The following AOX1 variants were observed in gnomAD, a reference collection of about 807,000 sequenced individuals.
AOX1 encodes aldehyde oxidase 1.
AOX1 carries 153 observed loss-of-function variants against 169.5 expected under a neutral mutation model. The observed-to-expected ratio is 0.90, with a 90% CI of 0.79 to 1.03. The LOEUF is 1.03. AOX1 is among the 50% of genes least tolerant of loss of function. The probability of loss-of-function intolerance (pLI) is 0.00; values close to 1 mark genes in which losing one functional copy is unlikely to be tolerated. For missense variants in AOX1, 1,656 were observed against 1,663.9 expected (o/e 1.00, Z 0.08); for synonymous variants, 562 against 581.9 (o/e 0.97, Z 0.49).
At chr2:200,666,832 G>A in intron 32 of AOX1, 80 bp downstream of exon 32, 1 of 931,166 alleles carries the variant, frequency 1.1e-6, no homozygotes. Flanking sequence ...CATTCCATCA[G>A]TCTTATTCAT....
intron 1 of AOX1, among the ~76,000 whole-genome samples, chr2:200,589,308 G>A (rs2034120356): frequency 6.6e-6 from 1 of 152,110 alleles, no homozygotes; most frequent in African/African-American, 2.4e-5. Context: ...ATTTAACATG[G>A]AGTTTAAGGG....
intron 10 of AOX1, among the ~76,000 whole-genome samples, chr2:200,606,803 G>C (rs918698580): frequency 1.3e-5 from 2 of 152,114 alleles, no homozygotes; most frequent in Non-Finnish European, 2.9e-5. Context: ...TGGTGTATTG[G>C]AATGCTTGTG....
intron 33 of AOX1, 32 bp from the exon 34 acceptor site, chr2:200,669,543 G>A (rs1372699286): frequency 6.2e-7 from 1 of 1,610,938 alleles, no homozygotes; most frequent in Non-Finnish European, 8.5e-7. Flanking sequence ...GAGAGAGAGA[G>A]GTATAATCTA....
chr2:200,670,482 C>G (rs772160134), intron 34 of AOX1, 147 bp from the exon 35 acceptor site: 5 of 667,034 alleles, frequency 7.5e-6, no homozygotes, highest in Non-Finnish European at 1.3e-5. Context: ...CCCTGGCTTC[C>G]TCTATACTTC....
downstream of AOX1, among the ~76,000 whole-genome samples, chr2:200,673,848 C>T (rs755636138): frequency 1.3e-5 from 2 of 152,196 alleles, no homozygotes; most frequent in Non-Finnish European, 2.9e-5. Context: ...CCTGTTGTAG[C>T]TCTCACTCTG....
downstream of AOX1, among the ~76,000 whole-genome samples, chr2:200,671,880 T>C (rs2036033804): frequency 6.6e-6 from 1 of 152,208 alleles, no homozygotes; most frequent in Non-Finnish European, 1.5e-5. Context: ...CATAGCATTA[T>C]TCATAGTATC....
Position 200,662,746 on chromosome 2 carries a change from G to T in AOX1, c.3429-109G>T, listed in dbSNP as rs1052262612. On this transcript the variant is annotated intron_variant, in intron 30 of 34. Coordinates refer to ENST00000374700, the MANE Select transcript of AOX1 (RefSeq NM_001159.4). The stretch of plus-strand genomic sequence containing the variant: ...ACATTAGGTGCTGGCACATACATTA[G>T]GTACAGGTATATTCCTGTGGCTTGC... The T allele has an allele frequency of 5.2e-6, 4 of 774,588 alleles. No individual in the cohort carries two copies. The African/African-American group carries it at 6.8e-5, about 13-fold the overall frequency. 48.0% of individuals were successfully genotyped at this position (774,588 alleles called of 1,614,324 possible). A position where few individuals can be genotyped will look rare whatever the true frequency, so the allele number is the denominator to read the frequency against.
chr2:200,681,657 C>T (rs1374352427), downstream of AOX1, among the ~76,000 whole-genome samples: 1 of 152,190 alleles, frequency 6.6e-6, no homozygotes, highest in Non-Finnish European at 1.5e-5. Context: ...TTATCCATTC[C>T]TACTTAGCAG....
intron 20 of AOX1, among the ~76,000 whole-genome samples, chr2:200,631,092 G>T (rs2035116981): frequency 6.6e-6 from 1 of 152,208 alleles, no homozygotes; most frequent in African/African-American, 2.4e-5. Context: ...TCAGGTCTTA[G>T]AATGCGTTCT....
intron 17 of AOX1, 32 bp from the exon 18 acceptor site, chr2:200,621,088 C>G: frequency 6.3e-7 from 1 of 1,595,322 alleles, no homozygotes; most frequent in Non-Finnish European, 8.5e-7. Context: ...TCTATGGCCA[C>G]TCTAAGGAGC....
chr2:200,663,061 C>A, intron 31 of AOX1, 92 bp downstream of exon 31: 1 of 934,264 alleles, frequency 1.1e-6, no homozygotes, highest in Non-Finnish European at 1.7e-6. Context: ...TAGTGAGTGG[C>A]AGCATCGTGC....
chr2:200,638,228 G>A lies in AOX1; in HGVS notation c.2494G>A (p.Val832Ile), dbSNP rs780400714. The change falls in exon 23 of 35, where the codon GTT (valine) becomes ATT (isoleucine). Residue 832 changes from valine to isoleucine, a missense_variant. By Grantham distance (29) the Val-to-Ile change is conservative. Coordinates refer to ENST00000374700, the MANE Select transcript of AOX1 (RefSeq NM_001159.4). ...AFAANKHGRA[V>I]RCVLERGEDM... ...TTTCTGTTTTAGACATGGCCGTGCAGTTCGCTGTGTTCTGGAACGAGGAGA... is the reference window on the plus strand; with the variant it reads ...TTTCTGTTTTAGACATGGCCGTGCAATTCGCTGTGTTCTGGAACGAGGAGA... The A allele has an allele frequency of 1.9e-6, 3 of 1,613,596 alleles. No homozygotes were observed. The highest frequency in any genetic ancestry group is 3.3e-5 in the Admixed American group (2 of 59,992).
At chr2:200,655,483 C>T (rs1285603398) in intron 26 of AOX1, among the ~76,000 whole-genome samples, 1 of 152,186 alleles carries the variant, frequency 6.6e-6, no homozygotes, top group Non-Finnish European at 1.5e-5. Context: ...TCTATTACAT[C>T]TTCCCAAGGT....
intron 7 of AOX1, 53 bp downstream of exon 7, chr2:200,603,409 C>A (rs2034453480): frequency 2.8e-6 from 4 of 1,415,008 alleles, no homozygotes; most frequent in Admixed American, 1.7e-5. Context: ...GAACAGGAGC[C>A]AACATACTCT....
At chr2:200,627,590 C>T in intron 20 of AOX1, 141 bp downstream of exon 20, 1 of 627,116 alleles carries the variant, frequency 1.6e-6, no homozygotes, top group Non-Finnish European at 2.8e-6. Context: ...ACCTCATTCA[C>T]AAATGTGTTT....
At chr2:200,587,520 T>C (rs1204360396) in intron 1 of AOX1, among the ~76,000 whole-genome samples, 4 of 152,126 alleles carry the variant, frequency 2.6e-5, no homozygotes, top group African/African-American at 4.8e-5. Flanking sequence ...CCTAATTTCA[T>C]TTGTGGTTTT....
At chr2:200,648,486 G>A (rs963801430) in intron 25 of AOX1, among the ~76,000 whole-genome samples, 8 of 152,230 alleles carry the variant, frequency 5.3e-5, no homozygotes, top group African/African-American at 1.9e-4. Context: ...CTGTTCCGGT[G>A]GAGGTGATGG....
chr2:200,615,982 C>T lies in AOX1; in HGVS notation c.1623C>T (p.His541=). ...SQILKKMDPV[H]YPSLADKYES... is the part of the protein sequence containing the mutation. ...GTTCTACTTTTCAGGATCCAGTTCA[C>T]TATCCTAGCCTTGCAGACAAGTATG... Residue 541 remains histidine (H), a synonymous_variant, in exon 16 of 35, where the codon CAC becomes CAT. Coordinates refer to ENST00000374700, the MANE Select transcript of AOX1 (RefSeq NM_001159.4). 2 of 1,613,032 alleles carry T rather than the reference C, an allele frequency of 1.2e-6. No individual in the cohort carries two copies. Among genetic ancestry groups the T allele is most frequent in the Non-Finnish European group, 1.7e-6 (2 of 1,179,028 alleles).
chr2:200,658,519 G>A (rs530062169), intron 27 of AOX1, among the ~76,000 whole-genome samples: 18 of 152,218 alleles, frequency 1.2e-4, no homozygotes, highest in Non-Finnish European at 2.5e-4. Context: ...CTGTGTCCTT[G>A]TAGAAGCTGT....
Sources: allele counts gnomAD v4.1 joint callset (sites outside exome capture counted in the v4.1 genomes callset), GRCh38; gene constraint gnomAD v4.1.1; transcripts MANE v1.5; gene names NCBI Gene and HGNC (gene_info 2026-07-23, HGNC 2026-07-21).